MALRD1: variants seen among roughly 807,000 people sequenced by gnomAD.
The protein encoded by MALRD1 is MAM and LDL receptor class A domain containing 1.
In MALRD1, 247 loss-of-function variants were observed where a neutral mutation model predicts 242.1. The ratio of observed to expected loss-of-function variants is 1.02; its 90% CI spans 0.92 to 1.13. MALRD1 has a LOEUF of 1.13. MALRD1 is among the 50% of genes most tolerant of loss of function. The pLI, the probability that MALRD1 is intolerant of heterozygous loss-of-function variation, is 0.00. For missense variants in MALRD1, 2,989 were observed against 2,533.1 expected (o/e 1.18, Z -3.86); for synonymous variants, 995 against 866.6 (o/e 1.15, Z -2.60).
intron 20 of MALRD1, among the ~76,000 whole-genome samples, chr10:19,280,749 G>A (rs1165756807): frequency 1.3e-5 from 2 of 152,156 alleles, no homozygotes; most frequent in African/African-American, 4.8e-5. Flanking sequence ...CCAATTCAAT[G>A]GCTTTTCCTA....
rs1347803991 is a variant in MALRD1 at position 19,596,868 on chromosome 10, GAAGGAAGGAAGGA to G, written c.5944+1428_5944+1440del. On this transcript the variant is annotated intron_variant, in intron 34 of 39. Transcript: ENST00000454679. ...GGAGGGAGGGACAGAGAGGAGGAAG[GAAGGAAGGAAGGA>G]AAGGAAGGAAGGAAAGATGGAAAGA... Among the ~76,000 whole-genome samples the G allele has an allele frequency of 5.9e-5, 9 of 151,760 alleles. 1 individual carries two copies. In the South Asian group the frequency reaches 8.4e-4, roughly 14 times the overall value.
chr10:19,554,577 T>G (rs561258310), intron 32 of MALRD1, among the ~76,000 whole-genome samples: 1 of 152,242 alleles, frequency 6.6e-6, no homozygotes, highest in Admixed American at 6.5e-5. Flanking sequence ...CAGTGTGTGT[T>G]GTCCCATTCT....
At chr10:19,202,538 T>C (rs1412065344) in intron 14 of MALRD1, among the ~76,000 whole-genome samples, 1 of 152,202 alleles carries the variant, frequency 6.6e-6, no homozygotes, top group Non-Finnish European at 1.5e-5. Flanking sequence ...AATGCCCTTA[T>C]AATTTTAAAT....
chr10:19,490,846 C>CA (rs1264095729), intron 29 of MALRD1, among the ~76,000 whole-genome samples: 2 of 151,956 alleles, frequency 1.3e-5, no homozygotes, highest in African/African-American at 2.4e-5. Context: ...TTTTCATCTA[C>CA]AAAAAATTTG....
chr10:19,197,628 G>T (rs1175335902), intron 14 of MALRD1, among the ~76,000 whole-genome samples: 1 of 152,116 alleles, frequency 6.6e-6, no homozygotes, highest in Non-Finnish European at 1.5e-5. Context: ...TCCACAACTT[G>T]CTTCCTCACC....
chr10:19,139,365 T>A (rs971866790), intron 10 of MALRD1, among the ~76,000 whole-genome samples: 12 of 152,226 alleles, frequency 7.9e-5, no homozygotes, highest in Admixed American at 2.0e-4. Flanking sequence ...AAATTTGAAT[T>A]TGTAATATCA....
intron 14 of MALRD1, among the ~76,000 whole-genome samples, chr10:19,181,200 C>G (rs1835487884): frequency 6.6e-6 from 1 of 152,136 alleles, no homozygotes. Context: ...TTAGCAATCT[C>G]TCTTTTGGGT....
At chr10:19,527,299 C>G (rs1184616628) in intron 31 of MALRD1, among the ~76,000 whole-genome samples, 1 of 152,046 alleles carries the variant, frequency 6.6e-6, no homozygotes, top group Non-Finnish European at 1.5e-5. Context: ...GCTGTGGAAA[C>G]TTAAAATTGG....
At chr10:19,098,949 C>T (rs1836145773) in intron 4 of MALRD1, among the ~76,000 whole-genome samples, 1 of 152,096 alleles carries the variant, frequency 6.6e-6, no homozygotes. Flanking sequence ...TTGCATAAGG[C>T]ACAAAAAACT....
At chr10:19,648,169 A>G (rs1840728112) in intron 36 of MALRD1, among the ~76,000 whole-genome samples, 1 of 152,236 alleles carries the variant, frequency 6.6e-6, no homozygotes, top group African/African-American at 2.4e-5. Flanking sequence ...GGGGCAAGAA[A>G]TGAAAGAGAA....
intron 31 of MALRD1, among the ~76,000 whole-genome samples, chr10:19,516,695 TCCTC>T (rs373435865): frequency 6.2e-4 from 90 of 146,170 alleles, no homozygotes; most frequent in Middle Eastern, 6.8e-3. Context: ...CTCCCTCCCT[TCCTC>T]CCTCCCTCCC....
rs930652637 is a variant in MALRD1 at position 19,529,544 on chromosome 10, GGA to G, written c.5321-1648_5321-1647del. On this transcript the variant is annotated intron_variant, in intron 31 of 39. Transcript: ENST00000454679. ...AAACCAGAGAAGACAGAAAAAAACA[GGA>G]GGGGGGGGGAGAAAACAAAGATTAA... 1.1e-3 allele frequency among the ~76,000 whole-genome samples: 44 copies of G among 39,540 alleles called. 1 individual carries two copies. The highest frequency in any genetic ancestry group is 4.5e-3 in the African/African-American group (41 of 9,162). The allele number at this position is 39,540 out of a possible 152,430, so 25.9% of individuals were successfully genotyped here. A position where few individuals can be genotyped will look rare whatever the true frequency, so the allele number is the denominator to read the frequency against.
At chr10:19,429,294 G>A (rs901295001) in intron 28 of MALRD1, among the ~76,000 whole-genome samples, 3 of 151,200 alleles carry the variant, frequency 2.0e-5, no homozygotes, top group African/African-American at 7.4e-5. Flanking sequence ...CTTAGGCCGG[G>A]CGTGGTGGCT....
intron 2 of MALRD1, among the ~76,000 whole-genome samples, chr10:19,080,737 G>A (rs934633408): frequency 1.3e-5 from 2 of 151,916 alleles, no homozygotes; most frequent in African/African-American, 2.4e-5. Flanking sequence ...AGCACTGAAA[G>A]CAATAGCACC....
chr10:19,705,649 T>C (rs1188560885), intron 38 of MALRD1, among the ~76,000 whole-genome samples: 1 of 151,730 alleles, frequency 6.6e-6, no homozygotes. Flanking sequence ...TGATTCCTCC[T>C]CCTCCTCCTC....
intron 32 of MALRD1, among the ~76,000 whole-genome samples, chr10:19,556,238 A>G (rs1009094877): frequency 2.0e-5 from 3 of 152,172 alleles, no homozygotes; most frequent in Admixed American, 6.6e-5. Flanking sequence ...CATCATTAAC[A>G]TCTTCCATTA....
intron 31 of MALRD1, among the ~76,000 whole-genome samples, chr10:19,518,962 C>G (rs1271429047): frequency 1.3e-5 from 2 of 152,100 alleles, no homozygotes. Flanking sequence ...CCCTATAATG[C>G]TGTTTGGTGT....
At chr10:19,257,570 C>T in intron 18 of MALRD1, 114 bp from the exon 19 acceptor site, 3 of 811,134 alleles carry the variant, frequency 3.7e-6, no homozygotes, top group Non-Finnish European at 1.8e-6. Flanking sequence ...TTTTTAATGG[C>T]ACAGAAGGTT....
At chr10:19,310,154 T>C (rs1842368591) in intron 21 of MALRD1, among the ~76,000 whole-genome samples, 1 of 151,324 alleles carries the variant, frequency 6.6e-6, no homozygotes, top group South Asian at 2.1e-4. Context: ...GTCCTCACAG[T>C]TGGGACTATT....
Sources: allele counts gnomAD v4.1 joint callset (sites outside exome capture counted in the v4.1 genomes callset), GRCh38; gene constraint gnomAD v4.1.1; transcripts MANE v1.5; gene names NCBI Gene and HGNC (gene_info 2026-07-23, HGNC 2026-07-21).